The following C2orf49 variants were observed in gnomAD, a reference collection of about 807,000 sequenced individuals.
The protein encoded by C2orf49 is tRNA splicing ligase complex subunit 2.
A neutral mutation model predicts 20.6 loss-of-function variants in C2orf49; 11 were observed. That is an observed-to-expected ratio of 0.53 (90% CI 0.34 to 0.88). The LOEUF (loss-of-function observed/expected upper bound fraction) is 0.88. Among genes scored for constraint, C2orf49 ranks in the 40% least tolerant of loss-of-function variants. The probability of loss-of-function intolerance (pLI) is 0.02; values close to 1 mark genes in which losing one functional copy is unlikely to be tolerated. For synonymous variants in C2orf49, 134 were observed against 108.5 expected (o/e 1.24, Z -1.46); for missense variants, 289 against 274.2 (o/e 1.05, Z -0.38).
At chr2:105,353,032 G>C (rs1443167360), downstream of C2orf49, among the ~76,000 whole-genome samples, 1 of 152,176 alleles carries the variant, frequency 6.6e-6, no homozygotes, top group African/African-American at 2.4e-5. Flanking sequence ...AGGTCCAAGA[G>C]CATGGCACTG....
the C2orf49 span, chr2:105,373,952 A>G: frequency 1.7e-6 from 1 of 579,784 alleles, no homozygotes. Flanking sequence ...CAGGTTAGAC[A>G]GATGTGCATG....
chr2:105,354,510 C>G, the C2orf49 span, among the ~76,000 whole-genome samples: 1 of 151,966 alleles, frequency 6.6e-6, no homozygotes, highest in Non-Finnish European at 1.5e-5. Context: ...ATTGAAAATA[C>G]AAAAGGTCAG....
intron 2 of C2orf49, 53 bp from the exon 3 acceptor site, chr2:105,342,794 AC>A: frequency 4.6e-6 from 7 of 1,535,276 alleles, no homozygotes; most frequent in Non-Finnish European, 6.1e-6. Context: ...ATCCCAGTGA[AC>A]TGGTTTGCCG....
At chr2:105,345,240 T>G in intron 3 of C2orf49, 75 bp from the exon 4 acceptor site, 3 of 1,311,832 alleles carry the variant, frequency 2.3e-6, no homozygotes, top group Non-Finnish European at 3.2e-6. Flanking sequence ...TAAACCTTGG[T>G]TGTTTGAAAT....
the C2orf49 span, chr2:105,363,086 C>T: frequency 6.9e-6 from 4 of 576,944 alleles, no homozygotes; most frequent in Non-Finnish European, 1.3e-5. Context: ...AGGTGGGCTG[C>T]AGAGGAAGGA....
At chr2:105,375,362 G>A in the C2orf49 span, 21 of 152,370 alleles carry the variant, frequency 1.4e-4, no homozygotes, top group East Asian at 3.7e-3. Flanking sequence ...TTGGAAGTTT[G>A]CTTCCTAGAA....
At chr2:105,378,508 G>A in the C2orf49 span, 1 of 195,058 alleles carries the variant, frequency 5.1e-6, no homozygotes, top group African/African-American at 2.3e-5. Context: ...ACACCTGAAA[G>A]TGCTCCCCAT....
chr2:105,384,728 G>A, the C2orf49 span, among the ~76,000 whole-genome samples: 2 of 152,316 alleles, frequency 1.3e-5, no homozygotes, highest in Admixed American at 6.5e-5. Flanking sequence ...GGCTGGTCTC[G>A]AACTCCCGGC....
At chr2:105,371,899 C>T in the C2orf49 span, among the ~76,000 whole-genome samples, 2 of 152,114 alleles carry the variant, frequency 1.3e-5, no homozygotes, top group Non-Finnish European at 2.9e-5. Flanking sequence ...TGGCTTTCTA[C>T]GGGCTTCAAT....
chr2:105,355,767 ATT>A, the C2orf49 span, among the ~76,000 whole-genome samples: 1,685 of 117,354 alleles, frequency 0.014, 16 homozygotes, highest in Admixed American at 0.02. Flanking sequence ...AGGAGAAAAA[ATT>A]TTGTGTGTGT....
Position 105,342,995 on chromosome 2 carries a change from C to T in C2orf49, c.414C>T (p.Ala138=). The T allele has an allele frequency of 6.2e-7, 1 of 1,614,212 alleles. No homozygotes were observed. Among genetic ancestry groups the T allele is most frequent in the Non-Finnish European group, 8.5e-7 (1 of 1,180,046 alleles). ...PPPQASFTSN[A]FRKLSNSSSS... is the part of the protein sequence containing the mutation. Reference sequence around the variant, plus strand: ...CGCAGGCAAGCTTTACCAGTAATGCCTTTAGAAAATTATCAAATTCCTCTT... The same window carrying T: ...CGCAGGCAAGCTTTACCAGTAATGCTTTTAGAAAATTATCAAATTCCTCTT... Residue 138 remains alanine (A), a synonymous_variant, in exon 3 of 4, where the codon GCC becomes GCT. Coordinates refer to ENST00000258457, the MANE Select transcript of C2orf49 (RefSeq NM_024093.3).
intron 2 of C2orf49, among the ~76,000 whole-genome samples, chr2:105,341,722 G>A (rs1014456368): frequency 6.6e-6 from 1 of 152,192 alleles, no homozygotes; most frequent in African/African-American, 2.4e-5. Flanking sequence ...ATGTATTCAG[G>A]TTGATGCCCC....
the C2orf49 span, among the ~76,000 whole-genome samples, chr2:105,379,750 C>T: frequency 2.0e-5 from 3 of 152,214 alleles, no homozygotes; most frequent in Admixed American, 2.0e-4. Flanking sequence ...CATACTCTGT[C>T]CCTGGCCTTT....
the C2orf49 span, among the ~76,000 whole-genome samples, chr2:105,383,153 T>A: frequency 1.3e-5 from 2 of 152,254 alleles, no homozygotes; most frequent in African/African-American, 4.8e-5. Context: ...CCCAAAGTGC[T>A]GGAATTACAG....
At chr2:105,361,274 G>A in the C2orf49 span, 2 of 1,608,996 alleles carry the variant, frequency 1.2e-6, no homozygotes, top group Middle Eastern at 1.7e-4. Context: ...CAACTTCTCT[G>A]TGTTGAATTC....
the C2orf49 span, among the ~76,000 whole-genome samples, chr2:105,366,785 G>T: frequency 6.6e-6 from 1 of 152,064 alleles, no homozygotes; most frequent in African/African-American, 2.4e-5. Flanking sequence ...TCGCTCAGTC[G>T]CCCAGGCTGG....
At chr2:105,371,822 G>C in the C2orf49 span, among the ~76,000 whole-genome samples, 2 of 152,174 alleles carry the variant, frequency 1.3e-5, no homozygotes, top group Non-Finnish European at 2.9e-5. Context: ...TTAATGTCGT[G>C]GTTCTTATTG....
chr2:105,344,386 A>G lies in C2orf49; in HGVS notation c.643-929A>G, dbSNP rs147420348. On this transcript the variant is annotated intron_variant, in intron 3 of 3. Transcript: ENST00000258457. ...AAGCCTCAGAGAATTTTTTTTTTCC[A>G]GGCTCTTAAACAGCATTTCTCTACC... Among the ~76,000 whole-genome samples, 876 of 152,050 alleles carry G rather than the reference A, an allele frequency of 5.8e-3. 4 individuals are homozygous for G. The highest frequency in any genetic ancestry group is 9.2e-3 in the Non-Finnish European group (626 of 67,968).
the C2orf49 span, among the ~76,000 whole-genome samples, chr2:105,371,162 G>A: frequency 6.6e-6 from 1 of 152,304 alleles, no homozygotes; most frequent in Middle Eastern, 3.4e-3. Flanking sequence ...TTAATTTTAT[G>A]TGTCAGCGTG....
Sources: gnomAD v4.1 joint callset for allele counts (sites outside exome capture counted in the v4.1 genomes callset) on GRCh38, gnomAD v4.1.1 for gene constraint, MANE v1.5 for transcripts, NCBI Gene and HGNC (gene_info 2026-07-23, HGNC 2026-07-21) for gene names.